The following ADGRL3 variants were observed in gnomAD, a reference collection of about 807,000 sequenced individuals.
The protein encoded by ADGRL3 is adhesion G protein-coupled receptor L3.
ADGRL3 carries 62 observed loss-of-function variants against 153.5 expected under a neutral mutation model. The observed-to-expected ratio is 0.40, with a 90% CI of 0.33 to 0.50. The LOEUF (loss-of-function observed/expected upper bound fraction) is 0.50. ADGRL3 is among the 20% of genes least tolerant of loss of function. The pLI is 0.47. For synonymous variants in ADGRL3, 710 were observed against 672.5 expected (o/e 1.06, Z -0.86); for missense variants, 1,641 against 1,859.4 (o/e 0.88, Z 2.16).
chr4:61,397,382 G>T (rs1478356501), intron 2 of ADGRL3, among the ~76,000 whole-genome samples: 1 of 151,868 alleles, frequency 6.6e-6, no homozygotes. Flanking sequence ...GTTCTATCCA[G>T]CCTTAAACAC....
At chr4:61,842,099 A>T (rs2098041654) in intron 9 of ADGRL3, among the ~76,000 whole-genome samples, 1 of 152,220 alleles carries the variant, frequency 6.6e-6, no homozygotes, top group African/African-American at 2.4e-5. Flanking sequence ...TAACACAGAG[A>T]TGTTAAAAAG....
At chr4:61,416,339 A>G (rs1262189606) in intron 2 of ADGRL3, among the ~76,000 whole-genome samples, 2 of 149,968 alleles carry the variant, frequency 1.3e-5, no homozygotes, top group Non-Finnish European at 2.9e-5. Flanking sequence ...AAAAAAAATT[A>G]AAAGCCTTTA....
chr4:61,569,914 T>G (rs1471315252), intron 4 of ADGRL3, among the ~76,000 whole-genome samples: 1 of 152,180 alleles, frequency 6.6e-6, no homozygotes. Context: ...TATCATCTAC[T>G]TCATTTCTTT....
intron 21 of ADGRL3, among the ~76,000 whole-genome samples, chr4:62,020,444 A>G (rs1651379417): frequency 6.6e-6 from 1 of 152,098 alleles, no homozygotes; most frequent in South Asian, 2.1e-4. Context: ...TGGACCTCCA[A>G]AAGTGAACCA....
chr4:61,425,269 G>A (rs141049058), intron 2 of ADGRL3: 1 of 152,322 alleles, frequency 6.6e-6, no homozygotes, highest in African/African-American at 2.4e-5. Flanking sequence ...GCCAGGGGTT[G>A]AGCATGTCAT....
At chr4:61,817,859 TG>T (rs2097705676) in intron 9 of ADGRL3, among the ~76,000 whole-genome samples, 1 of 152,120 alleles carries the variant, frequency 6.6e-6, no homozygotes, top group Non-Finnish European at 1.5e-5. Flanking sequence ...GAGAACAGTA[TG>T]GGGGAAACTG....
chr4:61,295,714 T>G (rs1426611470), intron 1 of ADGRL3, among the ~76,000 whole-genome samples: 2 of 151,654 alleles, frequency 1.3e-5, no homozygotes, highest in Non-Finnish European at 2.9e-5. Flanking sequence ...CGTCCAGCAT[T>G]TTGGGAGGCA....
chr4:61,589,846 G>C (rs901931339), intron 5 of ADGRL3, among the ~76,000 whole-genome samples: 1 of 152,116 alleles, frequency 6.6e-6, no homozygotes, highest in Non-Finnish European at 1.5e-5. Flanking sequence ...TTAAAGCTAA[G>C]TGTGAAAAAT....
intron 21 of ADGRL3, among the ~76,000 whole-genome samples, chr4:62,024,044 A>G (rs1423035505): frequency 6.6e-6 from 1 of 152,174 alleles, no homozygotes; most frequent in Non-Finnish European, 1.5e-5. Context: ...TCTCTCACAT[A>G]TAAATTAATT....
Position 61,873,985 on chromosome 4 carries a change from T to C in ADGRL3, c.1481-18671T>C, listed in dbSNP as rs75356421. Among the ~76,000 whole-genome samples, 303 of 152,304 alleles carry C rather than the reference T, an allele frequency of 2.0e-3. 4 individuals carry two copies. Among genetic ancestry groups the C allele is most frequent in the African/African-American group, 7.1e-3 (293 of 41,556 alleles). On this transcript the variant is annotated intron_variant, in intron 9 of 26. Transcript: ENST00000683033. ...TGAGAACTCTTGCTCTGAATAAAGATATGAAGCCAGATCATATCCTAAATT... is the reference window on the plus strand; with the variant it reads ...TGAGAACTCTTGCTCTGAATAAAGACATGAAGCCAGATCATATCCTAAATT...
intron 13 of ADGRL3, among the ~76,000 whole-genome samples, chr4:61,913,161 G>T (rs1195978836): frequency 6.6e-6 from 1 of 152,104 alleles, no homozygotes; most frequent in Non-Finnish European, 1.5e-5. Context: ...AGGATACTTG[G>T]AATATCATGC....
chr4:61,892,417 ACC>A (rs991937333), intron 9 of ADGRL3, among the ~76,000 whole-genome samples: 62 of 151,874 alleles, frequency 4.1e-4, no homozygotes, highest in African/African-American at 1.4e-3. Context: ...GTTTCGAAGA[ACC>A]CTTAAAAAGC....
At chr4:61,400,466 T>C (rs1407470472) in intron 2 of ADGRL3, among the ~76,000 whole-genome samples, 1 of 151,850 alleles carries the variant, frequency 6.6e-6, no homozygotes, top group Non-Finnish European at 1.5e-5. Flanking sequence ...AAATAATTCC[T>C]CTGTTAAACC....
intron 2 of ADGRL3, among the ~76,000 whole-genome samples, chr4:61,470,569 T>G (rs2152680594): frequency 6.6e-6 from 1 of 152,090 alleles, no homozygotes; most frequent in South Asian, 2.1e-4. Flanking sequence ...AATTTTGAAT[T>G]ATGACTTCGA....
intron 19 of ADGRL3, among the ~76,000 whole-genome samples, chr4:61,995,696 A>G (rs991908768): frequency 1.3e-5 from 2 of 152,182 alleles, no homozygotes; most frequent in South Asian, 4.1e-4. Flanking sequence ...TTAATAATTT[A>G]CTTTTGGGTC....
intron 21 of ADGRL3, among the ~76,000 whole-genome samples, chr4:62,016,931 TTC>T (rs2099214829): frequency 6.6e-6 from 1 of 152,170 alleles, no homozygotes; most frequent in South Asian, 2.1e-4. Flanking sequence ...TGTATATAGA[TTC>T]TTTTTGTTTT....
chr4:61,784,830 G>A (rs772684051), intron 8 of ADGRL3, among the ~76,000 whole-genome samples: 3 of 152,032 alleles, frequency 2.0e-5, no homozygotes, highest in Non-Finnish European at 2.9e-5. Flanking sequence ...TTAGCTAATG[G>A]CTATCGAGTC....
intron 1 of ADGRL3, among the ~76,000 whole-genome samples, chr4:61,348,844 C>T (rs1019056208): frequency 5.3e-5 from 8 of 151,844 alleles, no homozygotes; most frequent in Admixed American, 2.0e-4. Flanking sequence ...TTGTGTTTTA[C>T]TGCAATAGTT....
intron 2 of ADGRL3, among the ~76,000 whole-genome samples, chr4:61,390,024 A>G (rs1190399521): frequency 6.6e-6 from 1 of 152,224 alleles, no homozygotes; most frequent in Non-Finnish European, 1.5e-5. Flanking sequence ...CATTTTTAAC[A>G]GAATTTTACA....
Sources: gnomAD v4.1 joint callset for allele counts (sites outside exome capture counted in the v4.1 genomes callset) on GRCh38, gnomAD v4.1.1 for gene constraint, MANE v1.5 for transcripts, NCBI Gene and HGNC (gene_info 2026-07-23, HGNC 2026-07-21) for gene names.